The following SNTB1 variants were observed in gnomAD, a reference collection of about 807,000 sequenced individuals.
The protein encoded by SNTB1 is syntrophin beta 1.
A neutral mutation model predicts 48.9 loss-of-function variants in SNTB1; 36 were observed. The ratio of observed to expected loss-of-function variants is 0.74; its 90% CI spans 0.56 to 0.97. The LOEUF (loss-of-function observed/expected upper bound fraction) is 0.97. SNTB1 is among the 50% of genes least tolerant of loss of function. SNTB1 has a pLI of 0.00. For missense variants in SNTB1, 786 were observed against 703.4 expected (o/e 1.12, Z -1.33); for synonymous variants, 299 against 294.6 (o/e 1.01, Z -0.15).
chr8:120,545,255 A>G (rs572182175), intron 5 of SNTB1, among the ~76,000 whole-genome samples: 1 of 152,286 alleles, frequency 6.6e-6, no homozygotes, highest in East Asian at 1.9e-4. Context: ...GAGGCAAGAG[A>G]ATCCCTTGAA....
intron 2 of SNTB1, 79 bp downstream of exon 2, chr8:120,693,613 G>C: frequency 8.4e-7 from 1 of 1,185,212 alleles, no homozygotes. Flanking sequence ...GAACATGAGG[G>C]CAATCTCGTG....
At chr8:120,612,726 T>A (rs1389214011) in intron 3 of SNTB1, among the ~76,000 whole-genome samples, 1 of 152,214 alleles carries the variant, frequency 6.6e-6, no homozygotes, top group African/African-American at 2.4e-5. Context: ...GCTAATTTTG[T>A]ATTTTTAGTA....
At chr8:120,569,247 C>T (rs1239417564) in intron 4 of SNTB1, among the ~76,000 whole-genome samples, 2 of 152,160 alleles carry the variant, frequency 1.3e-5, no homozygotes, top group Admixed American at 6.5e-5. Context: ...CCCAAAATGC[C>T]AGGATTACAG....
chr8:120,583,287 C>T (rs983702261), intron 3 of SNTB1, among the ~76,000 whole-genome samples: 5 of 152,014 alleles, frequency 3.3e-5, no homozygotes, highest in Non-Finnish European at 7.4e-5. Flanking sequence ...GGGGGATCAC[C>T]TGAGGTCAGG....
chr8:120,620,338 C>T (rs187754759), intron 3 of SNTB1, among the ~76,000 whole-genome samples: 1 of 152,070 alleles, frequency 6.6e-6, no homozygotes, highest in Admixed American at 6.5e-5. Context: ...GTATTAATAT[C>T]TTTTTTTTAT....
chr8:120,544,514 G>A (rs2130646470), intron 5 of SNTB1, among the ~76,000 whole-genome samples: 1 of 152,260 alleles, frequency 6.6e-6, no homozygotes, highest in Admixed American at 6.5e-5. Flanking sequence ...CCACCACCCA[G>A]CTAGCTCACT....
intron 2 of SNTB1, among the ~76,000 whole-genome samples, chr8:120,660,897 G>A (rs937863827): frequency 6.6e-6 from 1 of 152,164 alleles, no homozygotes; most frequent in African/African-American, 2.4e-5. Context: ...GAGAGGGAGA[G>A]AGATGGGAGC....
chr8:120,723,338 T>C (rs1285262655), intron 1 of SNTB1, among the ~76,000 whole-genome samples: 1 of 152,208 alleles, frequency 6.6e-6, no homozygotes, highest in Non-Finnish European at 1.5e-5. Flanking sequence ...TACACATATA[T>C]ACTACATACG....
At chr8:120,587,081 C>G (rs1381857893) in intron 3 of SNTB1, among the ~76,000 whole-genome samples, 2 of 152,020 alleles carry the variant, frequency 1.3e-5, no homozygotes, top group Admixed American at 6.6e-5. Flanking sequence ...ATTAGCCGGG[C>G]GTGGTAGCGC....
chr8:120,662,357 C>T (rs540847626), intron 2 of SNTB1, among the ~76,000 whole-genome samples: 5 of 152,224 alleles, frequency 3.3e-5, no homozygotes, highest in African/African-American at 7.2e-5. Context: ...TGCCAAGGTG[C>T]CAGACAAGTT....
At chr8:120,601,578 C>T (rs1383135416) in intron 3 of SNTB1, among the ~76,000 whole-genome samples, 1 of 152,154 alleles carries the variant, frequency 6.6e-6, no homozygotes, top group Non-Finnish European at 1.5e-5. Context: ...GTATTGGAGA[C>T]AACTTCATCT....
At position 120,653,899 on chromosome 8, in the gene SNTB1, C is replaced by T. The variant is rs55835857; in HGVS notation, c.789-21248G>A. On this transcript the variant is annotated intron_variant, in intron 2 of 6. Coordinates refer to ENST00000517992, the MANE Select transcript of SNTB1 (RefSeq NM_021021.4). ...CTAAAAATACAAAAAATTAGCCGGG[C>T]ATTGTGGTGGGTGCCTGTAGTCCCA... Among the ~76,000 whole-genome samples, 6 of 151,152 alleles carry T rather than the reference C, an allele frequency of 4.0e-5. 1 individual carries two copies. In the South Asian group the frequency reaches 6.3e-4, roughly 16 times the overall value.
At chr8:120,788,535 G>A (rs1266126214) in intron 1 of SNTB1, among the ~76,000 whole-genome samples, 1 of 151,984 alleles carries the variant, frequency 6.6e-6, no homozygotes, top group African/African-American at 2.4e-5. Flanking sequence ...AGGTAAGGGG[G>A]TGGAAAAAGA....
intron 1 of SNTB1, among the ~76,000 whole-genome samples, chr8:120,749,076 C>G (rs959756897): frequency 1.3e-5 from 2 of 152,068 alleles, no homozygotes; most frequent in Non-Finnish European, 2.9e-5. Flanking sequence ...ATTATAATGA[C>G]TTATAACAGT....
intron 3 of SNTB1, among the ~76,000 whole-genome samples, chr8:120,612,341 T>A (rs185801892): frequency 2.1e-3 from 322 of 152,328 alleles, no homozygotes; most frequent in African/African-American, 7.5e-3. Flanking sequence ...AACATTAAAG[T>A]AGCTTGCCCA....
chr8:120,541,412 G>A (rs565336020), intron 6 of SNTB1, among the ~76,000 whole-genome samples: 141 of 152,074 alleles, frequency 9.3e-4, no homozygotes, highest in African/African-American at 3.2e-3. Context: ...TCCTCTCCTC[G>A]GAGACTTCCC....
chr8:120,541,705 G>T, intron 6 of SNTB1, 105 bp downstream of exon 6: 1 of 706,266 alleles, frequency 1.4e-6, no homozygotes, highest in Non-Finnish European at 2.2e-6. Context: ...GGGCTTGCAA[G>T]CACATCATTA....
At chr8:120,722,250 G>A (rs541835733) in intron 1 of SNTB1, among the ~76,000 whole-genome samples, 98 of 152,190 alleles carry the variant, frequency 6.4e-4, no homozygotes, top group Middle Eastern at 3.4e-3. Flanking sequence ...TAATCCTTTC[G>A]GTATATACCC....
chr8:120,801,311 C>T (rs937774530), intron 1 of SNTB1, among the ~76,000 whole-genome samples: 1 of 152,008 alleles, frequency 6.6e-6, no homozygotes, highest in African/African-American at 2.4e-5. Context: ...TAAGTCACCT[C>T]TTCTGTGAAA....
Sources: allele counts gnomAD v4.1 joint callset (sites outside exome capture counted in the v4.1 genomes callset), GRCh38; gene constraint gnomAD v4.1.1; transcripts MANE v1.5; gene names NCBI Gene and HGNC (gene_info 2026-07-23, HGNC 2026-07-21).